Variants in AP3B1 observed in about 807,000 individuals in gnomAD.
The protein encoded by AP3B1 is AP-3 complex subunit beta-1.
A neutral mutation model predicts 132.5 loss-of-function variants in AP3B1; 61 were observed. That is an observed-to-expected ratio of 0.46 (90% CI 0.37 to 0.57). The LOEUF (loss-of-function observed/expected upper bound fraction) is 0.57. Among genes scored for constraint, AP3B1 ranks in the 20% least tolerant of loss-of-function variants. AP3B1 has a pLI of 0.00. For synonymous variants in AP3B1, 388 were observed against 438.3 expected (o/e 0.89, Z 1.43); for missense variants, 1,120 against 1,289.4 (o/e 0.87, Z 2.01).
At chr5:78,042,669 G>T in intron 22 of AP3B1, 2 of 175,810 alleles carry the variant, frequency 1.1e-5, no homozygotes, top group Middle Eastern at 9.2e-4. Flanking sequence ...TGCTCTGTTG[G>T]AGCATTTCTC....
intron 7 of AP3B1, among the ~76,000 whole-genome samples, chr5:78,191,354 C>CA (rs34733864): frequency 0.11 from 7,418 of 69,936 alleles, 174 homozygotes; most frequent in African/African-American, 0.17. Flanking sequence ...TGCTTTTCCC[C>CA]AAAAAAAAAA....
intron 1 of AP3B1, among the ~76,000 whole-genome samples, chr5:78,280,758 T>C (rs1749014856): frequency 6.6e-6 from 1 of 152,178 alleles, no homozygotes; most frequent in Admixed American, 6.5e-5. Flanking sequence ...CAGCATTCTG[T>C]AAAGGGAATT....
At chr5:78,203,218 T>C (rs909682813) in intron 7 of AP3B1, among the ~76,000 whole-genome samples, 1 of 152,198 alleles carries the variant, frequency 6.6e-6, no homozygotes, top group Non-Finnish European at 1.5e-5. Context: ...ATTCTCACAC[T>C]ACTATTAAGA....
intron 1 of AP3B1, among the ~76,000 whole-genome samples, chr5:78,281,157 G>A (rs906043481): frequency 3.9e-5 from 6 of 152,190 alleles, no homozygotes; most frequent in East Asian, 1.9e-4. Context: ...ATTCTCGGCC[G>A]GGCGCAGTGG....
intron 2 of AP3B1, among the ~76,000 whole-genome samples, chr5:78,259,381 G>A (rs1747987198): frequency 6.6e-6 from 1 of 152,182 alleles, no homozygotes; most frequent in Non-Finnish European, 1.5e-5. Flanking sequence ...GAAGGGAAGT[G>A]GGGGATACAG....
rs79963239 is a variant in AP3B1 at position 78,232,951 on chromosome 5, C to T, written c.280-4712G>A. Reference sequence around the variant, plus strand: ...TGAACTCCTGACGTCAAGTGATCCACCCACCTCGGCCTCCCAAAGTGCTAG... The same window carrying T: ...TGAACTCCTGACGTCAAGTGATCCATCCACCTCGGCCTCCCAAAGTGCTAG... On this transcript the variant is annotated intron_variant, in intron 3 of 26. Coordinates refer to ENST00000255194, the MANE Select transcript of AP3B1 (RefSeq NM_003664.5). 1.2e-3 allele frequency among the ~76,000 whole-genome samples: 177 copies of T among 152,266 alleles called. 2 individuals carry two copies. The East Asian group carries it at 0.018, about 15-fold the overall frequency.
At chr5:78,294,413 C>A in intron 1 of AP3B1, 39 bp downstream of exon 1, 1 of 1,613,428 alleles carries the variant, frequency 6.2e-7, no homozygotes, top group Non-Finnish European at 8.5e-7. Context: ...GTCCGCAGCT[C>A]CTCCCTCCCA....
chr5:78,206,732 C>T (rs1382619317), intron 7 of AP3B1, among the ~76,000 whole-genome samples: 2 of 151,686 alleles, frequency 1.3e-5, no homozygotes, highest in Non-Finnish European at 2.9e-5. Context: ...ACTACATTTA[C>T]GGAATTAAAA....
chr5:78,191,725 G>A (rs1162197221), intron 7 of AP3B1, among the ~76,000 whole-genome samples: 1 of 152,124 alleles, frequency 6.6e-6, no homozygotes, highest in Non-Finnish European at 1.5e-5. Context: ...ATCACTAAGG[G>A]TAAGGATACT....
chr5:78,008,978 T>C (rs1310016068), intron 26 of AP3B1, among the ~76,000 whole-genome samples: 2 of 152,126 alleles, frequency 1.3e-5, no homozygotes, highest in Non-Finnish European at 1.5e-5. Flanking sequence ...CCATTTGTGT[T>C]TGCAACCCTA....
At chr5:78,154,033 C>A (rs1237777883) in intron 14 of AP3B1, among the ~76,000 whole-genome samples, 1 of 152,126 alleles carries the variant, frequency 6.6e-6, no homozygotes, top group Non-Finnish European at 1.5e-5. Flanking sequence ...CATACTATTA[C>A]CAGTGAATTT....
chr5:78,120,104 A>G (rs1752096662), intron 17 of AP3B1, among the ~76,000 whole-genome samples: 1 of 152,158 alleles, frequency 6.6e-6, no homozygotes, highest in African/African-American at 2.4e-5. Flanking sequence ...TTCCTAAGTG[A>G]AGGAGAAATA....
intron 23 of AP3B1, 64 bp from the exon 24 acceptor site, chr5:78,034,509 C>G (rs1747718235): frequency 8.0e-7 from 1 of 1,242,484 alleles, no homozygotes; most frequent in Non-Finnish European, 1.2e-6. Context: ...AAACTAAACA[C>G]TGAAAATTTA....
At position 78,034,386 on chromosome 5, in the gene AP3B1, T is replaced by G. The variant is rs749089425; in HGVS notation, c.2869A>C (p.Thr957Pro). The G allele has an allele frequency of 2.5e-6, 4 of 1,612,156 alleles. No individual in the cohort carries two copies. Among genetic ancestry groups the G allele is most frequent in the East Asian group, 2.2e-5 (1 of 44,776 alleles). ...CACAACTGGAAACTGGCAGTCTGAG[T>G]AGAATCACAAAAGTCAATACCCATT... ...VSMGIDFCDS[T>P]QTASFQLCTK... The change falls in exon 24 of 27, where the codon ACT becomes CCT. Residue 957 changes from threonine (T) to proline (P), a missense_variant. Physicochemically the swap from Thr to Pro is conservative, Grantham distance 38. This residue lies in a region of AP3B1 where 906 missense variants were observed against 997.1 expected (regional missense o/e 0.91). Coordinates refer to ENST00000255194, the MANE Select transcript of AP3B1 (RefSeq NM_003664.5).
chr5:78,247,661 T>C (rs1484062798), intron 2 of AP3B1, among the ~76,000 whole-genome samples: 1 of 152,146 alleles, frequency 6.6e-6, no homozygotes, highest in Non-Finnish European at 1.5e-5. Flanking sequence ...TAGATTCATC[T>C]GAACTTTTTT....
At chr5:78,207,050 G>A (rs1745535534) in intron 7 of AP3B1, among the ~76,000 whole-genome samples, 2 of 152,202 alleles carry the variant, frequency 1.3e-5, no homozygotes, top group South Asian at 4.1e-4. Flanking sequence ...ATGAAGTCAG[G>A]AGTTCGAAAC....
intron 26 of AP3B1, among the ~76,000 whole-genome samples, chr5:78,012,522 A>C (rs907831335): frequency 2.6e-4 from 40 of 152,260 alleles, no homozygotes; most frequent in African/African-American, 9.4e-4. Context: ...ACATTATTAC[A>C]GTCATACTTT....
chr5:78,105,552 A>T (rs1011793378), intron 20 of AP3B1, among the ~76,000 whole-genome samples: 34 of 88,246 alleles, frequency 3.9e-4, no homozygotes, highest in Admixed American at 3.7e-3. Context: ...GTTTCATATA[A>T]AAAAAAATTT....
chr5:78,263,497 T>C (rs573723938), intron 2 of AP3B1, among the ~76,000 whole-genome samples: 35 of 152,356 alleles, frequency 2.3e-4, no homozygotes, highest in African/African-American at 6.7e-4. Context: ...TTCTTTTTCT[T>C]GCATGATTGT....
Sources: gnomAD v4.1 joint callset for allele counts (sites outside exome capture counted in the v4.1 genomes callset) on GRCh38, gnomAD v4.1.1 for gene constraint, gnomAD v4.1.1 regional missense constraint, MANE v1.5 for transcripts, NCBI Gene and HGNC (gene_info 2026-07-23, HGNC 2026-07-21) for gene names.